Variants in C11orf65 observed in about 807,000 individuals in gnomAD.
C11orf65 encodes the protein chromosome 11 open reading frame 65.
C11orf65 carries 38 observed loss-of-function variants against 35.3 expected under a neutral mutation model. The observed-to-expected ratio is 1.08, with a 90% CI of 0.83 to 1.41. The LOEUF (loss-of-function observed/expected upper bound fraction) is 1.41. C11orf65 is among the 40% of genes most tolerant of loss of function. The pLI is 0.00. For synonymous variants in C11orf65, 105 were observed against 114.4 expected, an observed-to-expected ratio of 0.92 and a Z score of 0.53; for missense variants, 370 against 367.1, an observed-to-expected ratio of 1.01 and a Z score of -0.06.
intron 2 of C11orf65, among the ~76,000 whole-genome samples, chr11:108,351,310 T>TA (rs2089174629): frequency 6.6e-6 from 1 of 152,222 alleles, no homozygotes; most frequent in African/African-American, 2.4e-5. Flanking sequence ...AGAGTTCTGT[T>TA]AACGTGGATT....
chr11:108,314,537 C>T (rs1446002560), intron 6 of C11orf65, among the ~76,000 whole-genome samples: 3 of 151,738 alleles, frequency 2.0e-5, no homozygotes, highest in Admixed American at 6.6e-5. Context: ...CAATTCTTCT[C>T]GGGTAGACTA....
chr11:108,324,048 A>T (rs1416036082), intron 6 of C11orf65, among the ~76,000 whole-genome samples: 1 of 17,516 alleles, frequency 5.7e-5, no homozygotes, highest in Non-Finnish European at 1.1e-4. Flanking sequence ...CGCAGATCAA[A>T]AATATTTGAA....
rs148889807 is a variant in C11orf65, at chr11:108,318,179, C to T, written c.641-9108G>A. ...GAGTTTGAGACCAGCCTGGGAAACA[C>T]GGTGAAACCCTTTCTCTACTAAAAT... On this transcript the variant is annotated intron_variant, in intron 6 of 6. Coordinates refer to the C11orf65 transcript ENST00000525729. Among the ~76,000 whole-genome samples the T allele has an allele frequency of 8.4e-3, 1,269 of 151,782 alleles. 15 individuals are homozygous for T. Among genetic ancestry groups the T allele is most frequent in the African/African-American group, 0.029 (1,201 of 41,384 alleles).
At chr11:108,315,710 C>A in intron 6 of C11orf65, 2 of 762,492 alleles carry the variant, frequency 2.6e-6, no homozygotes, top group South Asian at 1.5e-5. Context: ...ATTTCTATAA[C>A]ATAACATTTA....
intron 2 of C11orf65, among the ~76,000 whole-genome samples, chr11:108,370,346 CTATATA>C (rs1163399439): frequency 6.6e-6 from 1 of 151,558 alleles, no homozygotes. Context: ...TTTGGATTTT[CTATATA>C]TATAGTCATA....
At chr11:108,311,804 T>TA (rs2084186441) in intron 6 of C11orf65, among the ~76,000 whole-genome samples, 1 of 152,206 alleles carries the variant, frequency 6.6e-6, no homozygotes, top group Non-Finnish European at 1.5e-5. Flanking sequence ...TTATTACTGT[T>TA]ATAGACACCA....
intron 3 of C11orf65, among the ~76,000 whole-genome samples, chr11:108,408,688 T>TAAAA (rs1278587111): frequency 1.2e-5 from 1 of 81,572 alleles, no homozygotes; most frequent in African/African-American, 6.6e-5. Context: ...TAAAATAAAA[T>TAAAA]AAAATAAAAT....
chr11:108,403,682 C>T (rs185934570), intron 6 of C11orf65, among the ~76,000 whole-genome samples: 52 of 152,210 alleles, frequency 3.4e-4, no homozygotes, highest in Non-Finnish European at 6.2e-4. Flanking sequence ...GTTAATTTTA[C>T]ACATGCTGTA....
At chr11:108,373,935 T>A (rs1338100386) in intron 2 of C11orf65, among the ~76,000 whole-genome samples, 2 of 152,286 alleles carry the variant, frequency 1.3e-5, no homozygotes, top group Non-Finnish European at 2.9e-5. Context: ...AGCACAGCAG[T>A]CTGAGATCAA....
chr11:108,338,763 A>G (rs758068628), intron 2 of C11orf65, among the ~76,000 whole-genome samples: 1 of 152,210 alleles, frequency 6.6e-6, no homozygotes, highest in Non-Finnish European at 1.5e-5. Context: ...AGGTTTGACT[A>G]TTTCTTAGAA....
intron 6 of C11orf65, among the ~76,000 whole-genome samples, chr11:108,315,630 G>A (rs1378271196): frequency 6.6e-6 from 1 of 152,004 alleles, no homozygotes; most frequent in Non-Finnish European, 1.5e-5. Flanking sequence ...CATATAAGTT[G>A]TCCTGCACAG....
chr11:108,343,927 G>T (rs1447490561), intron 2 of C11orf65, among the ~76,000 whole-genome samples: 7 of 152,170 alleles, frequency 4.6e-5, no homozygotes, highest in Admixed American at 4.6e-4. Flanking sequence ...AACATTTATT[G>T]TATGTTTTCT....
intron 2 of C11orf65, among the ~76,000 whole-genome samples, chr11:108,450,633 G>C (rs1479766612): frequency 9.8e-6 from 1 of 102,020 alleles, no homozygotes; most frequent in Non-Finnish European, 1.8e-5. Context: ...GTGGGGTGGG[G>C]GGAGGGGGGA....
At chr11:108,308,974 C>A (rs1054724812) in exon 7 of C11orf65, 4 of 1,513,930 alleles carry the variant, frequency 2.6e-6, no homozygotes, top group African/African-American at 2.8e-5. Flanking sequence ...TTCAGACTTA[C>A]CATTGGGGTA....
At chr11:108,465,715 T>C (rs914250762) in intron 1 of C11orf65, among the ~76,000 whole-genome samples, 1 of 151,070 alleles carries the variant, frequency 6.6e-6, no homozygotes, top group African/African-American at 2.4e-5. Context: ...CTGGGCGCGG[T>C]GGCTCACGCC....
chr11:108,311,347 GA>G (rs1488600387), intron 6 of C11orf65, among the ~76,000 whole-genome samples: 3 of 152,070 alleles, frequency 2.0e-5, no homozygotes, highest in South Asian at 4.1e-4. Flanking sequence ...GGATCGGTAG[GA>G]AGCCTTATAT....
chr11:108,424,593 G>A (rs1370113091), intron 3 of C11orf65, among the ~76,000 whole-genome samples: 1 of 152,058 alleles, frequency 6.6e-6, no homozygotes, highest in African/African-American at 2.4e-5. Context: ...GTCAACATTA[G>A]ACAGATCAAC....
chr11:108,378,936 C>T (rs1215729860), downstream of C11orf65, among the ~76,000 whole-genome samples: 1 of 151,838 alleles, frequency 6.6e-6, no homozygotes, highest in Non-Finnish European at 1.5e-5. Flanking sequence ...AGATACATCT[C>T]ACACCAGTTA....
intron 3 of C11orf65, among the ~76,000 whole-genome samples, chr11:108,333,539 T>C (rs2136598872): frequency 6.6e-6 from 1 of 152,382 alleles, no homozygotes; most frequent in East Asian, 1.9e-4. Flanking sequence ...AGTATTGACA[T>C]GTCTTTTAGT....
Sources: gnomAD v4.1 joint callset for allele counts (sites outside exome capture counted in the v4.1 genomes callset) on GRCh38, gnomAD v4.1.1 for gene constraint, MANE v1.5 for transcripts, NCBI Gene and HGNC (gene_info 2026-07-23, HGNC 2026-07-21) for gene names.